CLDN20: variants seen among roughly 807,000 people sequenced by gnomAD.
CLDN20 encodes claudin-20.
For missense variants in CLDN20, 258 were observed against 267.9 expected (o/e 0.96, Z 0.26); for synonymous variants, 104 against 103.6 (o/e 1.00, Z -0.03).
At chr6:155,264,666 G>GA (rs1467772571) in intron 1 of CLDN20, among the ~76,000 whole-genome samples, 1 of 152,068 alleles carries the variant, frequency 6.6e-6, no homozygotes, top group Non-Finnish European at 1.5e-5. Context: ...CATAAAAAAA[G>GA]AACAGATTTT....
At chr6:155,275,121 G>T (rs1488962074) in intron 1 of CLDN20, among the ~76,000 whole-genome samples, 1 of 152,032 alleles carries the variant, frequency 6.6e-6, no homozygotes, top group East Asian at 1.9e-4. Flanking sequence ...AGCTACTCGG[G>T]AGGCTGAGGC....
chr6:155,272,389 CT>C (rs940811103), intron 1 of CLDN20, among the ~76,000 whole-genome samples: 6 of 152,198 alleles, frequency 3.9e-5, no homozygotes, highest in East Asian at 1.9e-4. Context: ...AGTTCATAAA[CT>C]GAAGGTGCCT....
intron 1 of CLDN20, among the ~76,000 whole-genome samples, chr6:155,273,797 C>G (rs1255395367): frequency 2.6e-5 from 4 of 152,234 alleles, no homozygotes; most frequent in Middle Eastern, 3.4e-3. Flanking sequence ...GATATCCTAT[C>G]TGAACATTCT....
chr6:155,270,541 G>C (rs1784870785), intron 1 of CLDN20, among the ~76,000 whole-genome samples: 1 of 152,092 alleles, frequency 6.6e-6, no homozygotes, highest in Non-Finnish European at 1.5e-5. Flanking sequence ...TTCTAAAGCA[G>C]GCAATTAATA....
intron 1 of CLDN20, among the ~76,000 whole-genome samples, chr6:155,271,745 T>C (rs1437064449): frequency 6.6e-6 from 1 of 152,190 alleles, no homozygotes; most frequent in Non-Finnish European, 1.5e-5. Context: ...ATTATATCTT[T>C]CAACATAGAG....
chr6:155,269,478 C>T (rs544934500), intron 1 of CLDN20, among the ~76,000 whole-genome samples: 74 of 152,084 alleles, frequency 4.9e-4, no homozygotes, highest in African/African-American at 1.7e-3. Flanking sequence ...TGTGCCACTA[C>T]GCCTGGCTAA....
chr6:155,275,959 G>C lies in CLDN20; in HGVS notation c.240G>C (p.Ala80=). 5 of 1,614,156 alleles carry C rather than the reference G, an allele frequency of 3.1e-6. No individual in the cohort carries two copies. Among genetic ancestry groups the C allele is most frequent in the East Asian group, 2.2e-5 (1 of 44,874 alleles). ...CCCTCCCCATCCACGTGCAGGCTGC[G>C]AGAGCCACCATGGTCCTGGCGTGTG... ...ILSLPIHVQA[A]RATMVLACVL... The change falls in exon 2 of 2, where the codon GCG becomes GCC. Residue 80 remains alanine, a synonymous_variant. Transcript: ENST00000367165.
At chr6:155,270,359 G>A (rs1784864065) in intron 1 of CLDN20, among the ~76,000 whole-genome samples, 1 of 152,116 alleles carries the variant, frequency 6.6e-6, no homozygotes. Flanking sequence ...AGAGTCTCTG[G>A]ACTTAAAAGA....
Position 155,275,845 on chromosome 6 carries a change from A to C in CLDN20, c.126A>C (p.Thr42=), listed in dbSNP as rs770224950. ...VNVDVDSNII[T]AIVQLHGLWM... is the part of the protein sequence containing the mutation. ...TGGATGTGGACTCCAACATCATAAC[A>C]GCCATTGTACAGCTGCACGGGCTCT... Residue 42 remains threonine (T), a synonymous_variant, in exon 2 of 2, where the codon ACA becomes ACC. Transcript: ENST00000367165. 1 of 1,614,110 alleles carries C rather than the reference A, an allele frequency of 6.2e-7. No individual in the cohort carries two copies. The highest frequency in any genetic ancestry group is 1.1e-5 in the South Asian group (1 of 91,084).
intron 1 of CLDN20, among the ~76,000 whole-genome samples, chr6:155,270,006 C>T (rs951111784): frequency 2.0e-5 from 3 of 152,182 alleles, no homozygotes; most frequent in Non-Finnish European, 1.5e-5. Context: ...AGAGGTCTTG[C>T]GCTACAGTGG....
intron 1 of CLDN20, among the ~76,000 whole-genome samples, chr6:155,265,877 C>A (rs1214075887): frequency 6.6e-6 from 1 of 151,280 alleles, no homozygotes; most frequent in Non-Finnish European, 1.5e-5. Context: ...GCAAGGAGAG[C>A]CAGTCCAAGT....
intron 1 of CLDN20, among the ~76,000 whole-genome samples, chr6:155,268,304 G>C (rs1784755287): frequency 6.6e-6 from 1 of 152,090 alleles, no homozygotes; most frequent in Non-Finnish European, 1.5e-5. Context: ...GCCTCTAGTG[G>C]TGGCCTTCAA....
intron 1 of CLDN20, among the ~76,000 whole-genome samples, chr6:155,271,750 A>G (rs1460494189): frequency 6.6e-6 from 1 of 152,220 alleles, no homozygotes; most frequent in East Asian, 1.9e-4. Flanking sequence ...ATCTTTCAAC[A>G]TAGAGAAAAT....
chr6:155,270,767 A>G (rs1003900478), intron 1 of CLDN20, among the ~76,000 whole-genome samples: 35 of 152,336 alleles, frequency 2.3e-4, no homozygotes, highest in Admixed American at 5.2e-4. Context: ...CATGGCGACC[A>G]GCGAAACAAG....
intron 1 of CLDN20, among the ~76,000 whole-genome samples, chr6:155,273,575 G>T (rs1785038231): frequency 6.6e-6 from 1 of 152,176 alleles, no homozygotes; most frequent in African/African-American, 2.4e-5. Context: ...GTGGGGAGGG[G>T]AGTGGGTGAA....
chr6:155,265,053 C>T (rs986538019), intron 1 of CLDN20, among the ~76,000 whole-genome samples: 4 of 152,208 alleles, frequency 2.6e-5, no homozygotes, highest in African/African-American at 9.6e-5. Context: ...AAAACTAGGC[C>T]TTTTCCACAA....
chr6:155,270,760 G>A (rs1024086777), intron 1 of CLDN20, among the ~76,000 whole-genome samples: 1 of 152,174 alleles, frequency 6.6e-6, no homozygotes, highest in African/African-American at 2.4e-5. Flanking sequence ...TAACAACCAT[G>A]GCGACCAGCG....
intron 1 of CLDN20, among the ~76,000 whole-genome samples, chr6:155,273,493 A>C (rs535162964): frequency 6.6e-5 from 10 of 152,352 alleles, no homozygotes; most frequent in Non-Finnish European, 1.3e-4. Context: ...CCAGGCATCA[A>C]TCTCCTTGCC....
chr6:155,276,341 G>A lies in CLDN20; in HGVS notation c.622G>A (p.Glu208Lys), dbSNP rs368500699. The A allele has an allele frequency of 6.2e-6, 10 of 1,613,196 alleles. No individual in the cohort carries two copies. Among genetic ancestry groups the A allele is most frequent in the Admixed American group, 1.7e-5 (1 of 59,980 alleles). Reference sequence around the variant, plus strand: ...GCAGCCTATCTCTAACACACAGCTCGAGAACAATTCCACACACAATCTGAA... The same window carrying A: ...GCAGCCTATCTCTAACACACAGCTCAAGAACAATTCCACACACAATCTGAA... ...TQQPISNTQLENNSTHNLKDY... is the reference protein window; with the variant it reads ...TQQPISNTQLKNNSTHNLKDY... The change falls in exon 2 of 2, where the codon GAG becomes AAG. Residue 208 changes from glutamate to lysine, a missense_variant. By Grantham distance (56) the Glu-to-Lys change is moderately conservative. Transcript: ENST00000367165.
Sources: gnomAD v4.1 joint callset for allele counts (sites outside exome capture counted in the v4.1 genomes callset) on GRCh38, gnomAD v4.1.1 for gene constraint, MANE v1.5 for transcripts, NCBI Gene and HGNC (gene_info 2026-07-23, HGNC 2026-07-21) for gene names.